The following PTPRT variants were observed in gnomAD, a reference collection of about 807,000 sequenced individuals.
The protein encoded by PTPRT is receptor-type tyrosine-protein phosphatase T.
In PTPRT, 56 loss-of-function variants were observed where a neutral mutation model predicts 176.8. The observed-to-expected ratio is 0.32, with a 90% CI of 0.26 to 0.40. The LOEUF (loss-of-function observed/expected upper bound fraction) is 0.40. Ranked by LOEUF, PTPRT falls within the 10% of genes least tolerant of loss-of-function variation. The pLI is 1.00. For synonymous variants in PTPRT, 783 were observed against 739.0 expected (o/e 1.06, Z -0.96); for missense variants, 1,540 against 1,908.2 (o/e 0.81, Z 3.60).
intron 11 of PTPRT, among the ~76,000 whole-genome samples, chr20:42,317,622 T>C (rs1050081424): frequency 6.6e-6 from 1 of 152,072 alleles, no homozygotes; most frequent in Non-Finnish European, 1.5e-5. Flanking sequence ...AATCAGACTA[T>C]CCATCTAAAG....
chr20:42,781,769 G>A lies in PTPRT; in HGVS notation c.487-1470C>T, dbSNP rs1404044542. On this transcript the variant is annotated intron_variant, in intron 3 of 30. Coordinates refer to ENST00000373187, the MANE Select transcript of PTPRT (RefSeq NM_007050.6). ...GAACTTCCCCTAAAACTGCTTACAC[G>A]GAAGATACTAATAATCTTCTAATTG... 7.9e-5 allele frequency among the ~76,000 whole-genome samples: 12 copies of A among 152,188 alleles called. No homozygotes were observed. In the East Asian group the frequency reaches 9.7e-4, roughly 12 times the overall value.
chr20:42,808,682 C>A (rs1323239804), intron 2 of PTPRT, among the ~76,000 whole-genome samples: 1 of 152,064 alleles, frequency 6.6e-6, no homozygotes, highest in East Asian at 1.9e-4. Context: ...AGGAGCTAAT[C>A]TGGATGCGTC....
At chr20:42,505,090 C>G (rs2071820769) in intron 7 of PTPRT, among the ~76,000 whole-genome samples, 1 of 152,046 alleles carries the variant, frequency 6.6e-6, no homozygotes. Flanking sequence ...ACTTGCTCTT[C>G]CCTTTCTTTC....
At chr20:43,102,284 T>TCACA (rs57029983) in intron 1 of PTPRT, among the ~76,000 whole-genome samples, 15,805 of 140,412 alleles carry the variant, frequency 0.11, 974 homozygotes, top group South Asian at 0.17. Context: ...CACTCACACA[T>TCACA]CACACACACA....
intron 1 of PTPRT, among the ~76,000 whole-genome samples, chr20:43,025,969 T>A (rs140546063): frequency 2.3e-4 from 35 of 152,238 alleles, no homozygotes; most frequent in Admixed American, 7.2e-4. Context: ...AGAGGAGGCA[T>A]CATTCACTTG....
intron 2 of PTPRT, among the ~76,000 whole-genome samples, chr20:42,868,834 T>C (rs1369232687): frequency 6.6e-6 from 1 of 152,086 alleles, no homozygotes; most frequent in African/African-American, 2.4e-5. Flanking sequence ...AAAAAAGGGA[T>C]CTTGGGCACC....
intron 2 of PTPRT, among the ~76,000 whole-genome samples, chr20:42,872,613 T>C (rs975783015): frequency 6.6e-6 from 1 of 152,192 alleles, no homozygotes; most frequent in Non-Finnish European, 1.5e-5. Context: ...TATAAATGTA[T>C]CACTAAATTC....
intron 1 of PTPRT, among the ~76,000 whole-genome samples, chr20:43,180,756 C>T (rs2015237459): frequency 6.6e-6 from 1 of 152,116 alleles, no homozygotes. Context: ...AGCCACCACC[C>T]CCAGCCAATA....
intron 12 of PTPRT, among the ~76,000 whole-genome samples, chr20:42,308,632 AT>A (rs1325661892): frequency 1.3e-5 from 2 of 152,116 alleles, no homozygotes; most frequent in African/African-American, 2.4e-5. Context: ...CTCTCTCCCG[AT>A]TTTTTTGAGG....
intron 1 of PTPRT, among the ~76,000 whole-genome samples, chr20:42,992,164 C>A (rs1391448363): frequency 1.3e-5 from 2 of 152,144 alleles, no homozygotes; most frequent in African/African-American, 2.4e-5. Context: ...AGTTCGCTAT[C>A]CCCTACTGTA....
At chr20:42,056,020 C>T in the PTPRT span, among the ~76,000 whole-genome samples, 1 of 152,186 alleles carries the variant, frequency 6.6e-6, no homozygotes, top group African/African-American at 2.4e-5. Context: ...CCTCCGCTGT[C>T]CCCTCTTAGT....
At chr20:42,239,428 T>C (rs868379042) in intron 14 of PTPRT, among the ~76,000 whole-genome samples, 3,825 of 137,450 alleles carry the variant, frequency 0.028, 150 homozygotes, top group African/African-American at 0.098. Context: ...TTTTTTTTTT[T>C]TTTTTTTTTT....
At chr20:42,541,901 G>T (rs2072589591) in intron 7 of PTPRT, among the ~76,000 whole-genome samples, 1 of 149,532 alleles carries the variant, frequency 6.7e-6, no homozygotes, top group Non-Finnish European at 1.5e-5. Flanking sequence ...GATACGGTTT[G>T]GCTGTGTCCC....
intron 17 of PTPRT, among the ~76,000 whole-genome samples, chr20:42,155,462 G>C (rs1568976132): frequency 6.6e-6 from 1 of 152,128 alleles, no homozygotes; most frequent in Non-Finnish European, 1.5e-5. Context: ...TTCTTATTTA[G>C]ACTCCCAGAA....
intron 1 of PTPRT, among the ~76,000 whole-genome samples, chr20:42,919,322 C>T (rs1216499063): frequency 6.6e-6 from 1 of 152,202 alleles, no homozygotes; most frequent in Non-Finnish European, 1.5e-5. Context: ...CTTTGCTCTC[C>T]TTACTCCATT....
rs567587186 is a variant in PTPRT at position 43,044,794 on chromosome 20, T to C, written c.88+144852A>G. On this transcript the variant is annotated intron_variant, in intron 1 of 30. Transcript: ENST00000373187. ...GCACGGTGCAGACAACTCAATAAAA[T>C]ATTATTGAACAGATTAAAACTTTCA... is the stretch of plus-strand genomic sequence containing the variant. Among the ~76,000 whole-genome samples, 4 of 152,084 alleles carry C rather than the reference T, an allele frequency of 2.6e-5. No homozygotes were observed. In the South Asian group the frequency reaches 8.3e-4, roughly 32 times the overall value.
chr20:43,136,273 A>G (rs1366777973), intron 1 of PTPRT, among the ~76,000 whole-genome samples: 1 of 152,100 alleles, frequency 6.6e-6, no homozygotes, highest in Non-Finnish European at 1.5e-5. Flanking sequence ...CTGTAAATTC[A>G]TCTCCGCCTT....
intron 2 of PTPRT, among the ~76,000 whole-genome samples, chr20:42,802,967 C>T (rs1392545632): frequency 6.6e-6 from 1 of 152,174 alleles, no homozygotes; most frequent in Non-Finnish European, 1.5e-5. Flanking sequence ...ATGTTACACG[C>T]TTAGAATAGT....
chr20:42,612,920 A>G (rs2073998746), intron 7 of PTPRT, among the ~76,000 whole-genome samples: 1 of 152,150 alleles, frequency 6.6e-6, no homozygotes, highest in Non-Finnish European at 1.5e-5. Flanking sequence ...AAGTTTCAAA[A>G]CTGTATTTAC....
Sources: allele counts gnomAD v4.1 joint callset (sites outside exome capture counted in the v4.1 genomes callset), GRCh38; gene constraint gnomAD v4.1.1; transcripts MANE v1.5; gene names NCBI Gene and HGNC (gene_info 2026-07-23, HGNC 2026-07-21).